CMC2: variants seen among roughly 807,000 people sequenced by gnomAD.
CMC2 encodes C-X9-C motif containing 2.
CMC2 carries 5 observed loss-of-function variants against 7.5 expected under a neutral mutation model. That is an observed-to-expected ratio of 0.66 (90% CI 0.35 to 1.40). The LOEUF (loss-of-function observed/expected upper bound fraction) is 1.40. Ranked by LOEUF, CMC2 falls within the 40% of genes most tolerant of loss-of-function variation. CMC2 has a pLI of 0.04. For missense variants in CMC2, 115 were observed against 92.3 expected (o/e 1.25, Z -1.01); for synonymous variants, 37 against 31.4 (o/e 1.18, Z -0.60).
At position 80,969,039 on chromosome 16, in the gene CMC2, C is replaced by T. The variant is rs1911741429; in HGVS notation, c.*7054G>A. 1 of 152,172 alleles carries T rather than the reference C, an allele frequency of 6.6e-6. No homozygotes were observed. The highest frequency in any genetic ancestry group is 1.5e-5 in the Non-Finnish European group (1 of 68,022). 9.4% of individuals were successfully genotyped at this position (152,172 alleles called of 1,614,324 possible). A position where few individuals can be genotyped will look rare whatever the true frequency, so the allele number is the denominator to read the frequency against. On this transcript the variant is annotated 3_prime_UTR_variant, in exon 4 of 4. Transcript: ENST00000219400. ...TAAGGCCAGTGTGACTCACCTTGGGCTCTGAGCAGAAAAAATATGTTTCCC... is the reference window on the plus strand; with the variant it reads ...TAAGGCCAGTGTGACTCACCTTGGGTTCTGAGCAGAAAAAATATGTTTCCC...
chr16:80,981,633 G>T (rs1421041040), intron 3 of CMC2, among the ~76,000 whole-genome samples, 173 bp downstream of exon 3: 1 of 152,152 alleles, frequency 6.6e-6, no homozygotes, highest in Non-Finnish European at 1.5e-5. Context: ...TTCTAAAACT[G>T]TCCCCAGAAA....
intron 2 of CMC2, among the ~76,000 whole-genome samples, chr16:80,994,341 C>T (rs529222414): frequency 4.3e-4 from 65 of 151,088 alleles, no homozygotes; most frequent in African/African-American, 1.4e-3. Context: ...ACACAAAGAT[C>T]CTTAAGACAC....
rs1597200410 is a variant in CMC2 at position 80,969,699 on chromosome 16, G to A, written c.*6394C>T. The A allele has an allele frequency of 6.6e-6, 1 of 152,370 alleles. No homozygotes were observed. Among genetic ancestry groups the A allele is most frequent in the Non-Finnish European group, 1.5e-5 (1 of 68,146 alleles). The allele number at this position is 152,370 out of a possible 1,614,324, so 9.4% of individuals were successfully genotyped here. A position where few individuals can be genotyped will look rare whatever the true frequency, so the allele number is the denominator to read the frequency against. ...GGTCGGGAGTTCAAGACCAGCCTGG[G>A]CAACATGGTGAAACCCCGTCTCTAC... On this transcript the variant is annotated 3_prime_UTR_variant, in exon 4 of 4. Coordinates refer to ENST00000219400, the MANE Select transcript of CMC2 (RefSeq NM_020188.5).
chr16:80,993,885 T>C (rs993395530), intron 2 of CMC2, among the ~76,000 whole-genome samples: 8 of 152,144 alleles, frequency 5.3e-5, no homozygotes, highest in Non-Finnish European at 7.4e-5. Flanking sequence ...GTACTTAGAA[T>C]AGCCAAAACA....
At chr16:80,991,869 C>T (rs549652582) in intron 2 of CMC2, 5 of 449,396 alleles carry the variant, frequency 1.1e-5, no homozygotes, top group Admixed American at 4.8e-5. Context: ...CAAACCTTTT[C>T]GGGTCATCAA....
At position 80,973,853 on chromosome 16, in the gene CMC2, AGTAGGTGGTTT is replaced by A. The variant is rs1171322089; in HGVS notation, c.*2229_*2239del. 1 of 152,244 alleles carries A rather than the reference AGTAGGTGGTTT, an allele frequency of 6.6e-6. No homozygotes were observed. Among genetic ancestry groups the A allele is most frequent in the Admixed American group, 6.5e-5 (1 of 15,286 alleles). 9.4% of individuals were successfully genotyped at this position (152,244 alleles called of 1,614,324 possible). ...ACACAAGAGAGTAAGACCTAAAAAC[AGTAGGTGGTTT>A]GAATATCCCATAAAAACGTACTCAT... is the stretch of plus-strand genomic sequence containing the variant. On this transcript the variant is annotated 3_prime_UTR_variant, in exon 4 of 4. Coordinates refer to ENST00000219400, the MANE Select transcript of CMC2 (RefSeq NM_020188.5).
At chr16:80,978,289 G>A in intron 3 of CMC2, 1 of 1,212,866 alleles carries the variant, frequency 8.2e-7, no homozygotes, top group South Asian at 1.5e-5. Flanking sequence ...GTTGAGAAGG[G>A]TCTTAAGGGA....
At chr16:80,984,410 C>G (rs934116972) in intron 2 of CMC2, among the ~76,000 whole-genome samples, 3 of 152,116 alleles carry the variant, frequency 2.0e-5, no homozygotes, top group Non-Finnish European at 2.9e-5. Flanking sequence ...CATGCTATTT[C>G]TTTTTTTCCT....
intron 2 of CMC2, among the ~76,000 whole-genome samples, chr16:80,989,460 CCT>C (rs970351004): frequency 2.6e-5 from 4 of 152,110 alleles, no homozygotes; most frequent in African/African-American, 9.7e-5. Context: ...CAAGCTAGCC[CCT>C]GTCCTTTTAA....
At chr16:81,005,480 C>T (rs1385941785) in intron 1 of CMC2, among the ~76,000 whole-genome samples, 1 of 94,778 alleles carries the variant, frequency 1.1e-5, no homozygotes, top group African/African-American at 2.9e-5. Flanking sequence ...TACATTTCGG[C>T]CCTGGTATTA....
intron 1 of CMC2, among the ~76,000 whole-genome samples, chr16:81,004,333 A>G (rs1460988708): frequency 1.3e-5 from 2 of 152,238 alleles, no homozygotes; most frequent in Admixed American, 6.5e-5. Context: ...AATTCCATTC[A>G]AACTGTTATT....
rs961298885 is a variant in CMC2, at chr16:80,972,243, T to G, written c.*3850A>C. 6.6e-6 allele frequency: 1 copy of G among 152,230 alleles called. No individual in the cohort carries two copies. The highest frequency in any genetic ancestry group is 1.5e-5 in the Non-Finnish European group (1 of 68,048). The allele number at this position is 152,230 out of a possible 1,614,324, so 9.4% of individuals were successfully genotyped here. ...GGGATGTCTATGGATTAAGGTAGAT[T>G]CTGGTATAGCTGGTTCCCTGAATAT... is the stretch of plus-strand genomic sequence containing the variant. On this transcript the variant is annotated 3_prime_UTR_variant, in exon 4 of 4. Coordinates refer to ENST00000219400, the MANE Select transcript of CMC2 (RefSeq NM_020188.5).
In CMC2 at chr16:81,006,828, G is replaced by A. The variant is rs554174745; in HGVS notation, c.-130C>T. On this transcript the variant is annotated 5_prime_UTR_variant, in exon 1 of 4. Transcript: ENST00000219400. ...CTGCTAGGGAGCAGACAGCTGAACC[G>A]CTTGCCAGACGCCGAAACCCAGTGA... 2.0e-6 allele frequency: 2 copies of A among 985,566 alleles called. No individual in the cohort carries two copies. Among genetic ancestry groups the A allele is most frequent in the Non-Finnish European group, 2.4e-6 (2 of 830,054 alleles). 61.1% of individuals were successfully genotyped at this position (985,566 alleles called of 1,614,324 possible).
chr16:80,978,780 C>G lies in CMC2; in HGVS notation c.154-2601G>C, dbSNP rs562860145. Among the ~76,000 whole-genome samples, 3 of 151,962 alleles carry G rather than the reference C, an allele frequency of 2.0e-5. No homozygotes were observed. In the South Asian group the frequency reaches 6.2e-4, roughly 32 times the overall value. ...AACAAGAAATGGCCATACCCTTTTT[C>G]TACTTAAAAGCTTCATGGAGGCTGG... On this transcript the variant is annotated intron_variant, in intron 3 of 3. Coordinates refer to ENST00000219400, the MANE Select transcript of CMC2 (RefSeq NM_020188.5).
intron 2 of CMC2, chr16:80,996,810 T>C (rs748672423): frequency 5.7e-6 from 1 of 175,072 alleles, no homozygotes; most frequent in Non-Finnish European, 1.3e-5. Context: ...GCTCCTTTTC[T>C]ATTTTGGTTT....
chr16:81,001,677 G>GTTA (rs1968879365), intron 1 of CMC2, among the ~76,000 whole-genome samples: 1 of 151,936 alleles, frequency 6.6e-6, no homozygotes, highest in South Asian at 2.1e-4. Context: ...ACCTCAAGCT[G>GTTA]TTAAAAAAAA....
chr16:80,988,556 T>C (rs959251814), intron 2 of CMC2: 1 of 702,064 alleles, frequency 1.4e-6, no homozygotes, highest in Non-Finnish European at 2.6e-6. Flanking sequence ...ACCCGAGCTT[T>C]TCTTCTGAAC....
chr16:80,976,405 T>A (rs1264765492), intron 3 of CMC2, among the ~76,000 whole-genome samples: 2 of 152,216 alleles, frequency 1.3e-5, no homozygotes, highest in African/African-American at 2.4e-5. Flanking sequence ...CACAATTTCA[T>A]TCAATACAGT....
intron 3 of CMC2, among the ~76,000 whole-genome samples, chr16:80,978,909 G>A (rs574046234): frequency 8.6e-5 from 13 of 151,958 alleles, no homozygotes; most frequent in Admixed American, 2.0e-4. Context: ...GTGAAGCCCC[G>A]TCTCTACTAA....
Sources: allele counts gnomAD v4.1 joint callset (sites outside exome capture counted in the v4.1 genomes callset), GRCh38; gene constraint gnomAD v4.1.1; transcripts MANE v1.5; gene names NCBI Gene and HGNC (gene_info 2026-07-23, HGNC 2026-07-21).